The following VPS13B variants were observed in gnomAD, a reference collection of about 807,000 sequenced individuals.
VPS13B encodes the protein intermembrane lipid transfer protein VPS13B.
Under a neutral mutation model 426.4 loss-of-function variants are expected in VPS13B, and 285 were observed. That is an observed-to-expected ratio of 0.67 (90% CI 0.61 to 0.74). VPS13B has a LOEUF of 0.74. Among genes scored for constraint, VPS13B ranks in the 30% least tolerant of loss-of-function variants. The pLI, the probability that VPS13B is intolerant of heterozygous loss-of-function variation, is 0.00. For missense variants in VPS13B, 4,537 were observed against 4,782.6 expected (o/e 0.95, Z 1.51); for synonymous variants, 1,676 against 1,676.4 (o/e 1.00, Z 0.01).
At chr8:99,650,108 T>G (rs1189444470) in intron 34 of VPS13B, among the ~76,000 whole-genome samples, 1 of 152,170 alleles carries the variant, frequency 6.6e-6, no homozygotes, top group Non-Finnish European at 1.5e-5. Context: ...TAATAATGTT[T>G]TCTAGTCCAT....
At chr8:99,103,689 T>TG (rs762833709) in intron 5 of VPS13B, among the ~76,000 whole-genome samples, 2 of 151,826 alleles carry the variant, frequency 1.3e-5, no homozygotes, top group Non-Finnish European at 2.9e-5. Flanking sequence ...TTAGTAGAGA[T>TG]GGGGTTTCAC....
chr8:99,436,777 C>T (rs1057453088), intron 22 of VPS13B, among the ~76,000 whole-genome samples: 35 of 152,068 alleles, frequency 2.3e-4, no homozygotes, highest in African/African-American at 8.0e-4. Flanking sequence ...TCTTAGTTGT[C>T]GCCCAGGCTG....
intron 6 of VPS13B, among the ~76,000 whole-genome samples, chr8:99,115,387 G>C (rs1299826011): frequency 6.6e-6 from 1 of 151,736 alleles, no homozygotes; most frequent in Non-Finnish European, 1.5e-5. Flanking sequence ...GTAGCTATTT[G>C]GTTATATAAC....
At chr8:99,580,723 G>A (rs1211201150) in intron 33 of VPS13B, among the ~76,000 whole-genome samples, 1 of 151,474 alleles carries the variant, frequency 6.6e-6, no homozygotes, top group Non-Finnish European at 1.5e-5. Context: ...GTGGTGGTGT[G>A]TGCCTGTAGT....
intron 17 of VPS13B, among the ~76,000 whole-genome samples, chr8:99,227,303 G>A (rs563714836): frequency 2.8e-4 from 42 of 152,130 alleles, no homozygotes; most frequent in African/African-American, 9.6e-4. Context: ...TTTCAAAATC[G>A]ATTTGTCAAG....
chr8:99,279,400 C>G (rs367832746), intron 19 of VPS13B, among the ~76,000 whole-genome samples: 2 of 151,940 alleles, frequency 1.3e-5, no homozygotes, highest in African/African-American at 4.8e-5. Flanking sequence ...TCATGCCTTA[C>G]AGAGGCGCAC....
chr8:99,788,222 A>C (rs1249843640), intron 43 of VPS13B, among the ~76,000 whole-genome samples: 1 of 151,590 alleles, frequency 6.6e-6, no homozygotes, highest in African/African-American at 2.4e-5. Context: ...TTAAAAATCT[A>C]AAAATTAAAT....
At chr8:99,201,238 T>G (rs1814303463) in intron 17 of VPS13B, among the ~76,000 whole-genome samples, 1 of 152,174 alleles carries the variant, frequency 6.6e-6, no homozygotes, top group Non-Finnish European at 1.5e-5. Flanking sequence ...GTTACTGATT[T>G]CTGATATTCT....
chr8:99,198,070 A>T (rs1182961186), intron 17 of VPS13B, among the ~76,000 whole-genome samples: 1 of 152,144 alleles, frequency 6.6e-6, no homozygotes, highest in Non-Finnish European at 1.5e-5. Flanking sequence ...TATGAATTTT[A>T]TCTTCAAAAA....
chr8:99,812,224 C>A (rs879818813), intron 44 of VPS13B, among the ~76,000 whole-genome samples: 4 of 152,100 alleles, frequency 2.6e-5, no homozygotes, highest in African/African-American at 4.8e-5. Flanking sequence ...ATGTCTTTTT[C>A]AATTGGATTT....
At chr8:99,591,205 A>T (rs1463499764) in intron 33 of VPS13B, among the ~76,000 whole-genome samples, 1 of 126,906 alleles carries the variant, frequency 7.9e-6, no homozygotes, top group Non-Finnish European at 1.6e-5. Flanking sequence ...TGCTTGGTAG[A>T]TCTTCCTCCA....
intron 17 of VPS13B, among the ~76,000 whole-genome samples, chr8:99,221,497 A>G (rs1045280841): frequency 2.6e-5 from 4 of 152,256 alleles, no homozygotes; most frequent in African/African-American, 9.6e-5. Context: ...TTTTTAAAAG[A>G]GAGAGGCTTT....
intron 24 of VPS13B, among the ~76,000 whole-genome samples, chr8:99,473,783 C>T (rs1296972031): frequency 6.6e-6 from 1 of 152,084 alleles, no homozygotes; most frequent in Non-Finnish European, 1.5e-5. Flanking sequence ...ATTACTAAAA[C>T]TAACAAAACT....
intron 16 of VPS13B, among the ~76,000 whole-genome samples, chr8:99,171,445 A>G (rs192748210): frequency 1.9e-4 from 29 of 152,134 alleles, no homozygotes; most frequent in African/African-American, 6.5e-4. Context: ...AAACAGTGCA[A>G]TTTACTATAG....
At chr8:99,343,087 AT>A (rs1811339910) in intron 19 of VPS13B, among the ~76,000 whole-genome samples, 1 of 144,266 alleles carries the variant, frequency 6.9e-6, no homozygotes, top group East Asian at 2.0e-4. Flanking sequence ...TTTATTGCCC[AT>A]TTTTCTTTCT....
intron 40 of VPS13B, among the ~76,000 whole-genome samples, chr8:99,768,906 T>A (rs189343928): frequency 7.2e-5 from 11 of 152,332 alleles, no homozygotes; most frequent in Admixed American, 4.6e-4. Context: ...TTGATTTTTT[T>A]AAATCTGAGT....
intron 3 of VPS13B, among the ~76,000 whole-genome samples, chr8:99,087,356 A>G (rs1845878255): frequency 1.3e-5 from 2 of 151,754 alleles, no homozygotes. Flanking sequence ...GCCGTCTGTC[A>G]CCCCTTTCTT....
intron 54 of VPS13B, among the ~76,000 whole-genome samples, chr8:99,843,026 G>T (rs1025463210): frequency 6.6e-6 from 1 of 151,970 alleles, no homozygotes; most frequent in Admixed American, 6.5e-5. Context: ...GGTGGCAAAC[G>T]CCTGTAATCC....
chr8:99,116,240 G>C (rs1186514280), intron 7 of VPS13B, among the ~76,000 whole-genome samples: 1 of 151,278 alleles, frequency 6.6e-6, no homozygotes, highest in African/African-American at 2.4e-5. Flanking sequence ...CACCATGTTG[G>C]CCAGGCTGGT....
Sources: gnomAD v4.1 joint callset for allele counts (sites outside exome capture counted in the v4.1 genomes callset) on GRCh38, gnomAD v4.1.1 for gene constraint, MANE v1.5 for transcripts, NCBI Gene and HGNC (gene_info 2026-07-23, HGNC 2026-07-21) for gene names.